Variants in GALNTL6 observed in about 807,000 individuals in gnomAD.
GALNTL6 encodes polypeptide N-acetylgalactosaminyltransferase like 6.
A neutral mutation model predicts 73.7 loss-of-function variants in GALNTL6; 46 were observed. That is an observed-to-expected ratio of 0.62 (90% CI 0.49 to 0.80). GALNTL6 has a LOEUF of 0.80. Ranked by LOEUF, GALNTL6 falls within the 30% of genes least tolerant of loss-of-function variation. The probability of loss-of-function intolerance (pLI) is 0.00; values close to 1 mark genes in which losing one functional copy is unlikely to be tolerated. For synonymous variants in GALNTL6, 259 were observed against 263.7 expected (o/e 0.98, Z 0.17); for missense variants, 604 against 755.0 (o/e 0.80, Z 2.34).
chr4:172,228,066 A>G (rs1736926904), intron 2 of GALNTL6, among the ~76,000 whole-genome samples: 1 of 152,130 alleles, frequency 6.6e-6, no homozygotes, highest in Non-Finnish European at 1.5e-5. Context: ...TTTCATATTC[A>G]TTTGATTCTT....
intron 2 of GALNTL6, among the ~76,000 whole-genome samples, chr4:171,889,527 C>T (rs1736702010): frequency 6.6e-6 from 1 of 152,014 alleles, no homozygotes; most frequent in Admixed American, 6.6e-5. Flanking sequence ...ATAAGAAAAT[C>T]AGCTCATTAA....
intron 8 of GALNTL6, among the ~76,000 whole-genome samples, chr4:172,922,665 T>G (rs1385788404): frequency 6.6e-6 from 1 of 152,198 alleles, no homozygotes; most frequent in African/African-American, 2.4e-5. Flanking sequence ...CTTAGGGACT[T>G]CCACATAAGT....
chr4:172,780,200 T>C (rs1164000125), intron 5 of GALNTL6, among the ~76,000 whole-genome samples: 2 of 152,192 alleles, frequency 1.3e-5, no homozygotes, highest in Non-Finnish European at 2.9e-5. Context: ...TTAGAATCTT[T>C]TCCTTTAAAC....
intron 2 of GALNTL6, among the ~76,000 whole-genome samples, chr4:171,902,646 AT>A (rs1737132259): frequency 6.6e-6 from 1 of 152,206 alleles, no homozygotes; most frequent in Non-Finnish European, 1.5e-5. Flanking sequence ...GAGGCTGGTC[AT>A]TGAAAGAAGC....
intron 2 of GALNTL6, among the ~76,000 whole-genome samples, chr4:171,871,020 A>G (rs995127282): frequency 2.0e-5 from 3 of 152,196 alleles, no homozygotes; most frequent in Admixed American, 1.3e-4. Flanking sequence ...ATTTAAGATG[A>G]AGGAAGATCA....
At chr4:172,717,162 AAAGCCTTAGCCAAATT>A (rs1327624915) in intron 5 of GALNTL6, among the ~76,000 whole-genome samples, 99 of 152,338 alleles carry the variant, frequency 6.5e-4, no homozygotes, top group African/African-American at 2.3e-3. Context: ...TAGCCAAAAT[AAAGCCTTAGCCAAATT>A]AAGCCTTAGC....
chr4:172,834,737 C>T (rs1742819127), intron 7 of GALNTL6, among the ~76,000 whole-genome samples: 1 of 152,228 alleles, frequency 6.6e-6, no homozygotes, highest in Admixed American at 6.5e-5. Context: ...AGAGCACCAG[C>T]TAATCAAATG....
At chr4:172,498,644 C>T (rs896048388) in intron 5 of GALNTL6, among the ~76,000 whole-genome samples, 2 of 152,154 alleles carry the variant, frequency 1.3e-5, no homozygotes, top group South Asian at 2.1e-4. Flanking sequence ...TTCAGGTTAA[C>T]TGAAAAGCTA....
intron 2 of GALNTL6, among the ~76,000 whole-genome samples, chr4:172,063,193 T>C (rs1407310095): frequency 6.6e-6 from 1 of 152,210 alleles, no homozygotes; most frequent in Non-Finnish European, 1.5e-5. Flanking sequence ...CTGTGAAGGC[T>C]AGGGTAAACA....
chr4:172,966,622 C>T (rs1654862227), intron 10 of GALNTL6, among the ~76,000 whole-genome samples: 1 of 152,154 alleles, frequency 6.6e-6, no homozygotes, highest in African/African-American at 2.4e-5. Context: ...CTTGAACTGC[C>T]CTCAGGTGAT....
intron 7 of GALNTL6, among the ~76,000 whole-genome samples, chr4:172,854,018 A>G (rs929719541): frequency 1.2e-4 from 18 of 152,294 alleles, no homozygotes; most frequent in African/African-American, 2.9e-4. Flanking sequence ...TCAAGATCCA[A>G]TGTAATCTGG....
intron 2 of GALNTL6, among the ~76,000 whole-genome samples, chr4:172,087,147 A>G (rs1732059070): frequency 6.6e-6 from 1 of 152,156 alleles, no homozygotes; most frequent in Non-Finnish European, 1.5e-5. Flanking sequence ...TGATACTCAT[A>G]CAACATAGAG....
chr4:173,000,138 A>G (rs1277423305), intron 10 of GALNTL6, among the ~76,000 whole-genome samples: 1 of 152,180 alleles, frequency 6.6e-6, no homozygotes, highest in African/African-American at 2.4e-5. Context: ...ATATATGTAT[A>G]ATCTCATTTA....
At chr4:172,569,698 A>G (rs1204413509) in intron 5 of GALNTL6, among the ~76,000 whole-genome samples, 1 of 152,198 alleles carries the variant, frequency 6.6e-6, no homozygotes, top group Non-Finnish European at 1.5e-5. Flanking sequence ...AAGGGAAAAA[A>G]AAGATGCAGC....
At chr4:171,944,813 TAA>T (rs528131541) in intron 2 of GALNTL6, among the ~76,000 whole-genome samples, 3 of 149,914 alleles carry the variant, frequency 2.0e-5, no homozygotes, top group African/African-American at 7.3e-5. Flanking sequence ...CAAAGATACT[TAA>T]AAAAAAAATC....
intron 2 of GALNTL6, among the ~76,000 whole-genome samples, chr4:171,988,668 A>G (rs1045872381): frequency 6.6e-6 from 1 of 152,190 alleles, no homozygotes; most frequent in Non-Finnish European, 1.5e-5. Context: ...TAGGACAGGT[A>G]AAATGGGGGA....
chr4:171,991,726 GTGTGTATA>G (rs1261676657), intron 2 of GALNTL6, among the ~76,000 whole-genome samples: 1 of 29,678 alleles, frequency 3.4e-5, no homozygotes, highest in African/African-American at 1.1e-4. Flanking sequence ...GTGTGTGTGT[GTGTGTATA>G]TATATATATA....
At chr4:172,041,413 C>T (rs1354938278) in intron 2 of GALNTL6, among the ~76,000 whole-genome samples, 1 of 151,972 alleles carries the variant, frequency 6.6e-6, no homozygotes, top group Non-Finnish European at 1.5e-5. Context: ...TATTTTAAAA[C>T]ATATTTAAAA....
At chr4:172,062,454 C>T (rs538257668) in intron 2 of GALNTL6, among the ~76,000 whole-genome samples, 2 of 152,304 alleles carry the variant, frequency 1.3e-5, no homozygotes, top group East Asian at 3.9e-4. Context: ...CTGTTTCTTA[C>T]TGCCTTACCT....
Sources: gnomAD v4.1 joint callset for allele counts (sites outside exome capture counted in the v4.1 genomes callset) on GRCh38, gnomAD v4.1.1 for gene constraint, MANE v1.5 for transcripts, NCBI Gene and HGNC (gene_info 2026-07-23, HGNC 2026-07-21) for gene names.